WDR41: variants seen among roughly 807,000 people sequenced by gnomAD.
WDR41 encodes WD repeat-containing protein 41.
In WDR41, 63 loss-of-function variants were observed where a neutral mutation model predicts 69.3. That is an observed-to-expected ratio of 0.91 (90% CI 0.74 to 1.12). The LOEUF (loss-of-function observed/expected upper bound fraction) is 1.12, where lower values mean the gene tolerates loss of function less well. WDR41 is among the 50% of genes most tolerant of loss of function. The pLI is 0.00. For missense variants in WDR41, 543 were observed against 534.5 expected, an observed-to-expected ratio of 1.02 and a Z score of -0.16; for synonymous variants, 185 against 192.1, an observed-to-expected ratio of 0.96 and a Z score of 0.31.
chr5:77,464,558 C>G (rs957461786), intron 3 of WDR41, among the ~76,000 whole-genome samples: 3 of 151,602 alleles, frequency 2.0e-5, no homozygotes, highest in Non-Finnish European at 4.4e-5. Flanking sequence ...GAAAAAAAAT[C>G]TCAATTTAAA....
At chr5:77,581,347 G>A (rs568951271) in intron 1 of WDR41, among the ~76,000 whole-genome samples, 2 of 152,128 alleles carry the variant, frequency 1.3e-5, no homozygotes, top group Admixed American at 6.6e-5. Flanking sequence ...GAGCACCAAG[G>A]TGCATAAAGC....
intron 1 of WDR41, among the ~76,000 whole-genome samples, chr5:77,590,055 TC>T (rs1263310211): frequency 1.6e-4 from 24 of 152,334 alleles, no homozygotes; most frequent in African/African-American, 5.8e-4. Flanking sequence ...ATGCTTTTTT[TC>T]TTTGTTTATT....
intron 2 of WDR41, among the ~76,000 whole-genome samples, chr5:77,471,434 A>C (rs1800603198): frequency 6.6e-6 from 1 of 152,216 alleles, no homozygotes; most frequent in Non-Finnish European, 1.5e-5. Context: ...ATCAGAGCAG[A>C]ACTGAAGGAA....
chr5:77,481,741 C>T (rs1433433365), intron 2 of WDR41, among the ~76,000 whole-genome samples: 1 of 141,588 alleles, frequency 7.1e-6, no homozygotes, highest in East Asian at 2.1e-4. Context: ...ACCAAGGTCA[C>T]ACCACTGCAC....
At chr5:77,491,624 A>C (rs945207117) in intron 1 of WDR41, among the ~76,000 whole-genome samples, 1 of 151,908 alleles carries the variant, frequency 6.6e-6, no homozygotes, top group Non-Finnish European at 1.5e-5. Flanking sequence ...TTAGAAAATC[A>C]TGTTCTTGAC....
intron 1 of WDR41, chr5:77,583,123 G>A (rs1411046419): frequency 1.4e-6 from 2 of 1,424,310 alleles, no homozygotes; most frequent in Non-Finnish European, 2.0e-6. Context: ...AATGAACTAA[G>A]GTGTCTACCA....
chr5:77,493,336 A>G (rs907566840), upstream of WDR41, among the ~76,000 whole-genome samples: 1 of 152,332 alleles, frequency 6.6e-6, no homozygotes, highest in South Asian at 2.1e-4. Flanking sequence ...GGAATCTACA[A>G]ATGTCCCAAC....
At chr5:77,561,402 C>T (rs990412218) in intron 1 of WDR41, among the ~76,000 whole-genome samples, 6 of 152,270 alleles carry the variant, frequency 3.9e-5, no homozygotes, top group African/African-American at 1.4e-4. Flanking sequence ...CAGAATCTCA[C>T]AAAATTCATG....
At chr5:77,610,410 G>A (rs1744522866) in intron 1 of WDR41, among the ~76,000 whole-genome samples, 1 of 152,168 alleles carries the variant, frequency 6.6e-6, no homozygotes, top group South Asian at 2.1e-4. Context: ...AGAGAGAAAG[G>A]TCGGGTTACC....
chr5:77,578,008 G>A (rs181175512), intron 1 of WDR41, among the ~76,000 whole-genome samples: 232 of 152,178 alleles, frequency 1.5e-3, no homozygotes, highest in Non-Finnish European at 2.8e-3. Context: ...GCACTGTCCC[G>A]AAAATGAAAA....
chr5:77,444,832 G>A (rs903726448), intron 8 of WDR41, among the ~76,000 whole-genome samples: 6 of 152,228 alleles, frequency 3.9e-5, no homozygotes, highest in African/African-American at 7.2e-5. Context: ...TCCTAAATAC[G>A]CCTTTGGCTT....
At chr5:77,581,061 A>G (rs1207935129) in intron 1 of WDR41, among the ~76,000 whole-genome samples, 1 of 152,136 alleles carries the variant, frequency 6.6e-6, no homozygotes, top group Non-Finnish European at 1.5e-5. Context: ...GGATTAAACA[A>G]TCCAATCAAA....
At chr5:77,474,799 A>T (rs769539964) in intron 2 of WDR41, among the ~76,000 whole-genome samples, 2 of 152,184 alleles carry the variant, frequency 1.3e-5, no homozygotes, top group Non-Finnish European at 2.9e-5. Context: ...TCAAGATTAC[A>T]GTAGGAGGAG....
intron 6 of WDR41, 90 bp downstream of exon 6, chr5:77,453,727 G>T (rs1799713207): frequency 3.0e-6 from 3 of 1,015,374 alleles, no homozygotes; most frequent in South Asian, 2.8e-5. Context: ...CCCCTATATT[G>T]ACCTTTCTAC....
At chr5:77,491,142 TC>T in intron 1 of WDR41, 1 of 405,972 alleles carries the variant, frequency 2.5e-6, no homozygotes, top group Non-Finnish European at 5.0e-6. Flanking sequence ...CTGATGACAT[TC>T]CACCACAAAA....
Position 77,491,809 on chromosome 5 carries a change from T to C in WDR41, c.51+361A>G, listed in dbSNP as rs182057232. The C allele has an allele frequency of 1.8e-3, 490 of 275,148 alleles. 5 individuals carry two copies. Among genetic ancestry groups the C allele is most frequent in the African/African-American group, 0.01 (471 of 45,600 alleles). The allele number at this position is 275,148 out of a possible 1,614,324, so 17.0% of individuals were successfully genotyped here. ...CTCGTTCGTTTCTAGCTAAATCGTA[T>C]ACTTTTTAAGTGGAAATGAAGATAG... On this transcript the variant is annotated intron_variant, in intron 1 of 12. Coordinates refer to ENST00000296679, the MANE Select transcript of WDR41 (RefSeq NM_018268.4).
At chr5:77,567,750 A>G (rs1743660392) in intron 1 of WDR41, among the ~76,000 whole-genome samples, 1 of 151,850 alleles carries the variant, frequency 6.6e-6, no homozygotes, top group Non-Finnish European at 1.5e-5. Context: ...ACATTCCCCA[A>G]ATCTTTCTCT....
At chr5:77,557,991 CAGTG>C (rs1391187302) in intron 1 of WDR41, among the ~76,000 whole-genome samples, 5 of 148,886 alleles carry the variant, frequency 3.4e-5, no homozygotes, top group African/African-American at 7.4e-5. Context: ...TGTGGCAATG[CAGTG>C]AGTAAGAACA....
intron 1 of WDR41, chr5:77,582,306 C>A: frequency 7.1e-7 from 1 of 1,401,232 alleles, no homozygotes; most frequent in Non-Finnish European, 1.0e-6. Flanking sequence ...AGACAATATG[C>A]ATAGATATAT....
Sources: gnomAD v4.1 joint callset for allele counts (sites outside exome capture counted in the v4.1 genomes callset) on GRCh38, gnomAD v4.1.1 for gene constraint, MANE v1.5 for transcripts, NCBI Gene and HGNC (gene_info 2026-07-23, HGNC 2026-07-21) for gene names.